SMURF2: variants seen among roughly 807,000 people sequenced by gnomAD.
The protein encoded by SMURF2 is SMAD specific E3 ubiquitin protein ligase 2, also known as E3 ubiquitin-protein ligase SMURF2.
A neutral mutation model predicts 109.6 loss-of-function variants in SMURF2; 48 were observed. That is an observed-to-expected ratio of 0.44 (90% confidence interval 0.35 to 0.56). The LOEUF (loss-of-function observed/expected upper bound fraction) is 0.56, where lower values mean the gene tolerates loss of function less well. SMURF2 is among the 20% of genes least tolerant of loss of function. SMURF2 has a pLI of 0.01. For synonymous variants in SMURF2, 288 were observed against 317.1 expected (o/e 0.91, Z 0.97); for missense variants, 575 against 909.0 (o/e 0.63, Z 4.72).
At position 64,580,917 on chromosome 17, in the gene SMURF2, G is replaced by A. The variant is rs1225064858; in HGVS notation, c.644C>T (p.Thr215Ile). The stretch of plus-strand genomic sequence containing the variant: ...AGACTGTCCACATGTTGCACCATTT[G>A]TTCCACTAATTGGAGTGTTCTCATC... ...FVDENTPISG[T>I]NGATCGQSSD... The change falls in exon 8 of 19, where the codon ACA becomes ATA. Residue 215 changes from threonine (T) to isoleucine (I), a missense_variant. Thr to Ile is a moderately conservative substitution (Grantham distance 89). Around this residue, in one of 5 missense-constraint regions of SMURF2, gnomAD observed 151 missense variants for 178.4 expected, o/e 0.85. Coordinates refer to ENST00000262435, the MANE Select transcript of SMURF2 (RefSeq NM_022739.4). 1 of 1,614,132 alleles carries A rather than the reference G, an allele frequency of 6.2e-7. No homozygotes were observed. Among genetic ancestry groups the A allele is most frequent in the Non-Finnish European group, 8.5e-7 (1 of 1,180,008 alleles).
At chr17:64,565,272 A>G (rs1485945531) in intron 10 of SMURF2, among the ~76,000 whole-genome samples, 1 of 152,116 alleles carries the variant, frequency 6.6e-6, no homozygotes, top group Admixed American at 6.6e-5. Flanking sequence ...TAACTACCCA[A>G]TAAAGCAGCC....
At chr17:64,636,432 A>G (rs1970416997) in intron 1 of SMURF2, among the ~76,000 whole-genome samples, 1 of 151,978 alleles carries the variant, frequency 6.6e-6, no homozygotes, top group African/African-American at 2.4e-5. Flanking sequence ...GCAAAACTCC[A>G]TCTCTACTAA....
chr17:64,621,040 A>G (rs1555690557), intron 1 of SMURF2, among the ~76,000 whole-genome samples: 1 of 152,198 alleles, frequency 6.6e-6, no homozygotes, highest in African/African-American at 2.4e-5. Context: ...CTTCTCTCTC[A>G]TTCACAATAG....
At chr17:64,561,017 T>C (rs1297169370) in intron 12 of SMURF2, 8 of 150,414 alleles carry the variant, frequency 5.3e-5, no homozygotes, top group African/African-American at 1.7e-4. Context: ...ACTTGACCTG[T>C]GAGTTACAAA....
intron 2 of SMURF2, among the ~76,000 whole-genome samples, chr17:64,599,066 C>G (rs1969856793): frequency 6.6e-6 from 1 of 152,138 alleles, no homozygotes; most frequent in South Asian, 2.1e-4. Flanking sequence ...ACCAAAAATA[C>G]CTGAGAATAA....
chr17:64,546,132 A>T (rs1185515938), intron 18 of SMURF2, 131 bp downstream of exon 18: 1 of 988,718 alleles, frequency 1.0e-6, no homozygotes, highest in African/African-American at 1.6e-5. Context: ...CTTTTAAATC[A>T]CTTAAGTTGC....
At chr17:64,550,476 C>T (rs547643391) in intron 16 of SMURF2, among the ~76,000 whole-genome samples, 111 of 152,050 alleles carry the variant, frequency 7.3e-4, no homozygotes, top group Non-Finnish European at 1.1e-3. Context: ...TTAGTATGGC[C>T]GTTAATCTAA....
At chr17:64,644,843 T>C (rs980006542) in intron 1 of SMURF2, among the ~76,000 whole-genome samples, 1 of 146,622 alleles carries the variant, frequency 6.8e-6, no homozygotes, top group Non-Finnish European at 1.5e-5. Flanking sequence ...CTACTAAAAA[T>C]ATACATATAC....
chr17:64,546,899 C>A (rs1248302999), intron 17 of SMURF2, among the ~76,000 whole-genome samples: 17 of 152,236 alleles, frequency 1.1e-4, no homozygotes, highest in South Asian at 4.1e-4. Context: ...CGCTCTCCCC[C>A]CAGGGATTTC....
At position 64,580,934 on chromosome 17, in the gene SMURF2, G is replaced by A. The variant is rs1555686525; in HGVS notation, c.627C>T (p.Asn209=). Residue 209 remains asparagine (N), a synonymous_variant, in exon 8 of 19, where the codon AAC becomes AAT. Coordinates refer to ENST00000262435, the MANE Select transcript of SMURF2 (RefSeq NM_022739.4). ...CACCATTTGTTCCACTAATTGGAGT[G>A]TTCTCATCAACAAAGCAGCTAAGAG... ...GRPLSCFVDE[N]TPISGTNGAT... is the part of the protein sequence containing the mutation. The A allele has an allele frequency of 6.2e-7, 1 of 1,614,008 alleles. No homozygotes were observed. Among genetic ancestry groups the A allele is most frequent in the Admixed American group, 1.7e-5 (1 of 59,992 alleles).
intron 2 of SMURF2, among the ~76,000 whole-genome samples, chr17:64,600,212 C>T (rs184136689): frequency 4.6e-5 from 7 of 152,186 alleles, no homozygotes; most frequent in African/African-American, 1.7e-4. Flanking sequence ...AAGGAAATGA[C>T]AAGAGAGCTA....
intron 1 of SMURF2, among the ~76,000 whole-genome samples, chr17:64,615,671 T>C (rs782001273): frequency 1.3e-5 from 2 of 152,194 alleles, no homozygotes; most frequent in Non-Finnish European, 2.9e-5. Context: ...CAGATTCACA[T>C]TCAAGGTGTT....
chr17:64,622,863 A>G (rs1970223212), intron 1 of SMURF2, among the ~76,000 whole-genome samples: 1 of 152,228 alleles, frequency 6.6e-6, no homozygotes, highest in Non-Finnish European at 1.5e-5. Context: ...AGAGTGGGAT[A>G]TCTACATAAA....
rs782738871 is a variant in SMURF2, at chr17:64,580,971, C to T, written c.590G>A (p.Ser197Asn). Residue 197 changes from serine (S) to asparagine (N), a missense_variant, in exon 8 of 19, where the codon AGC becomes AAC. Coordinates refer to ENST00000262435, the MANE Select transcript of SMURF2 (RefSeq NM_022739.4). ...RPTRPASEYS[S>N]PGRPLSCFVD... ...AAAGCAGCTAAGAGGTCTGCCAGGG[C>T]TAGAATATTCGGATGCCGGTCTATT... The T allele has an allele frequency of 5.6e-6, 9 of 1,613,944 alleles. No individual in the cohort carries two copies. The South Asian group carries it at 8.8e-5, about 16-fold the overall frequency.
At chr17:64,557,567 GCATTATTGGT>G (rs782796975) in intron 13 of SMURF2, 31 bp downstream of exon 13, 15 of 1,232,542 alleles carry the variant, frequency 1.2e-5, no homozygotes, top group Middle Eastern at 1.9e-4. Context: ...AACATGAAAA[GCATTATTGGT>G]CACAATTCAC....
intron 1 of SMURF2, among the ~76,000 whole-genome samples, chr17:64,623,618 T>G (rs1489293009): frequency 6.6e-6 from 1 of 152,262 alleles, no homozygotes; most frequent in African/African-American, 2.4e-5. Context: ...CAAAGGAATA[T>G]ACATCACATT....
chr17:64,634,207 G>A (rs562268882), intron 1 of SMURF2, among the ~76,000 whole-genome samples: 7 of 152,254 alleles, frequency 4.6e-5, no homozygotes, highest in Non-Finnish European at 1.0e-4. Flanking sequence ...TTGGAGCTAA[G>A]TAATACAAGG....
At chr17:64,629,177 T>C (rs1229542736) in intron 1 of SMURF2, among the ~76,000 whole-genome samples, 2 of 152,204 alleles carry the variant, frequency 1.3e-5, no homozygotes, top group Admixed American at 1.3e-4. Flanking sequence ...AAAAACAGGT[T>C]GGAACCCTAA....
intron 1 of SMURF2, among the ~76,000 whole-genome samples, chr17:64,643,588 T>C (rs1392452963): frequency 6.6e-6 from 1 of 152,178 alleles, no homozygotes; most frequent in Non-Finnish European, 1.5e-5. Flanking sequence ...CCCTTTGCCC[T>C]TGCTGGGCCA....
Sources: gnomAD v4.1 joint callset for allele counts (sites outside exome capture counted in the v4.1 genomes callset) on GRCh38, gnomAD v4.1.1 for gene constraint, gnomAD v4.1.1 regional missense constraint, MANE v1.5 for transcripts, NCBI Gene and HGNC (gene_info 2026-07-23, HGNC 2026-07-21) for gene names.